Variants in EMILIN2 observed in about 807,000 individuals in gnomAD.
The protein encoded by EMILIN2 is EMILIN-2.
A neutral mutation model predicts 87.1 loss-of-function variants in EMILIN2; 71 were observed. The ratio of observed to expected loss-of-function variants is 0.82; its 90% confidence interval spans 0.67 to 0.99. The LOEUF is 0.99. Ranked by LOEUF, EMILIN2 falls within the 50% of genes least tolerant of loss-of-function variation. The pLI is 0.00. For synonymous variants in EMILIN2, 581 were observed against 563.4 expected (o/e 1.03, Z -0.44); for missense variants, 1,407 against 1,371.8 (o/e 1.03, Z -0.40).
intron 4 of EMILIN2, among the ~76,000 whole-genome samples, chr18:2,899,823 A>G (rs2076880581): frequency 6.6e-6 from 1 of 152,214 alleles, no homozygotes; most frequent in Non-Finnish European, 1.5e-5. Context: ...AATTTCTAAA[A>G]AAAATTTAAA....
chr18:2,872,831 G>GA (rs113264278), intron 2 of EMILIN2, among the ~76,000 whole-genome samples: 16,539 of 152,100 alleles, frequency 0.11, 996 homozygotes, highest in South Asian at 0.19. Context: ...AACACATAGG[G>GA]AATTATTTTA....
At position 2,892,068 on chromosome 18, in the gene EMILIN2, T is replaced by C. The variant is rs1488561984; in HGVS notation, c.1941T>C (p.Gly647=). ...NAGMGRFTKV[G]EQERTVDTLP... ...GCATGGGTAGGTTCACTAAGGTGGG[T>C]GAGCAAGAAAGGACAGTGGACACCC... is the stretch of plus-strand genomic sequence containing the variant. The change falls in exon 4 of 8, where the codon GGT becomes GGC. Residue 647 remains glycine, a synonymous_variant. Coordinates refer to ENST00000254528, the MANE Select transcript of EMILIN2 (RefSeq NM_032048.3). 6.2e-7 allele frequency: 1 copy of C among 1,614,130 alleles called. No homozygotes were observed. The highest frequency in any genetic ancestry group is 8.5e-7 in the Non-Finnish European group (1 of 1,180,026).
chr18:2,865,627 G>T (rs2076682724), intron 2 of EMILIN2, among the ~76,000 whole-genome samples: 1 of 152,214 alleles, frequency 6.6e-6, no homozygotes, highest in South Asian at 2.1e-4. Flanking sequence ...CCTACTGGGG[G>T]GTGCCTCCCA....
intron 2 of EMILIN2, among the ~76,000 whole-genome samples, chr18:2,879,042 G>A (rs951030824): frequency 1.3e-5 from 2 of 152,176 alleles, no homozygotes; most frequent in Non-Finnish European, 2.9e-5. Context: ...TGGCGAGATG[G>A]TCCCCTGGGA....
Position 2,880,905 on chromosome 18 carries a change from C to T in EMILIN2, c.258-4059C>T, listed in dbSNP as rs2076773997. 6.6e-6 allele frequency among the ~76,000 whole-genome samples: 1 copy of T among 152,198 alleles called. No homozygotes were observed. The highest frequency in any genetic ancestry group is 6.5e-5 in the Admixed American group (1 of 15,282). ...GGACTTTTAGAAAGGTACGAGCACCCTCCACCAATTAAGGTATAATTTTGC... is the reference window on the plus strand; with the variant it reads ...GGACTTTTAGAAAGGTACGAGCACCTTCCACCAATTAAGGTATAATTTTGC... On this transcript the variant is annotated intron_variant, in intron 2 of 7. Transcript: ENST00000254528. The surrounding 1 kb of genome is among the most constrained non-coding windows in gnomAD (Gnocchi z 4.1).
chr18:2,909,694 C>T lies in EMILIN2; in HGVS notation c.2699C>T (p.Ala900Val), dbSNP rs372269947. ...PKSPPVASPGAPVPSLVSFSA... is the reference protein window; with the variant it reads ...PKSPPVASPGVPVPSLVSFSA... The stretch of plus-strand genomic sequence containing the variant: ...TTCCATCCTTTCTCTGCTCCAGGAG[C>T]TCCGGTGCCTTCTCTGGTGTCTTTT... The change falls in exon 7 of 8, where the codon GCT becomes GTT. Residue 900 changes from alanine to valine, a missense_variant. Physicochemically the swap from Ala to Val is moderately conservative, Grantham distance 64 (BLOSUM62 0). Transcript: ENST00000254528. 4.3e-6 allele frequency: 7 copies of T among 1,613,990 alleles called. No homozygotes were observed. Among genetic ancestry groups the T allele is most frequent in the Non-Finnish European group, 5.9e-6 (7 of 1,179,896 alleles).
intron 4 of EMILIN2, among the ~76,000 whole-genome samples, chr18:2,896,320 T>G (rs1256255489): frequency 2.0e-5 from 3 of 151,960 alleles, no homozygotes; most frequent in Non-Finnish European, 4.4e-5. Context: ...GGATTACAGG[T>G]GTCTGCCACC....
At position 2,891,327 on chromosome 18, in the gene EMILIN2, A is replaced by G; in HGVS notation, c.1200A>G (p.Glu400=). The G allele has an allele frequency of 6.2e-7, 1 of 1,614,224 alleles. No homozygotes were observed. Among genetic ancestry groups the G allele is most frequent in the South Asian group, 1.1e-5 (1 of 91,086 alleles). Residue 400 remains glutamate, a synonymous_variant, in exon 4 of 8, where the codon GAA becomes GAG. Transcript: ENST00000254528. The surrounding 1 kb of genome is among the most constrained non-coding windows in gnomAD (Gnocchi z 4.6). ...PSAQANCCDS[E]KNGDIGQQIK... is the part of the protein sequence containing the mutation. ...CCCAGGCAAATTGCTGCGACAGTGA[A>G]AAGAATGGTGACATTGGTCAACAGA...
At chr18:2,912,925 C>A (rs2076948135) in intron 7 of EMILIN2, 142 bp from the exon 8 acceptor site, 3 of 847,106 alleles carry the variant, frequency 3.5e-6, no homozygotes, top group Non-Finnish European at 5.4e-6. Context: ...TAAAAAGCAG[C>A]TGAGGCAGGC....
intron 4 of EMILIN2, 34 bp from the exon 5 acceptor site, chr18:2,906,749 T>C (rs1007643672): frequency 2.4e-6 from 3 of 1,259,502 alleles, no homozygotes; most frequent in Admixed American, 8.5e-5. Context: ...GGTTTCCTAA[T>C]CCCGTGTGTT....
chr18:2,896,937 G>C (rs1225743048), intron 4 of EMILIN2, among the ~76,000 whole-genome samples: 2 of 150,750 alleles, frequency 1.3e-5, no homozygotes, highest in African/African-American at 2.4e-5. Flanking sequence ...AAGAGTTCGA[G>C]ACCAGCCTGG....
intron 4 of EMILIN2, among the ~76,000 whole-genome samples, chr18:2,892,726 T>A (rs970111232): frequency 6.6e-6 from 1 of 151,478 alleles, no homozygotes; most frequent in Non-Finnish European, 1.5e-5. Context: ...GATAAATATA[T>A]ATTCTCAGTG....
In EMILIN2 at chr18:2,913,101, G is replaced by C; in HGVS notation, c.2859G>C (p.Leu953=). 1 of 1,612,106 alleles carries C rather than the reference G, an allele frequency of 6.2e-7. No homozygotes were observed. Among genetic ancestry groups the C allele is most frequent in the Non-Finnish European group, 8.5e-7 (1 of 1,180,006 alleles). The change falls in exon 8 of 8, where the codon CTG becomes CTC. Residue 953 remains leucine (L), a synonymous_variant. Coordinates refer to ENST00000254528, the MANE Select transcript of EMILIN2 (RefSeq NM_032048.3). The part of the protein sequence containing the change: ...VFTAPYDGRY[L]ITATLTPERD... Reference sequence around the variant, plus strand: ...CGGCTCCTTATGATGGGCGCTACCTGATCACGGCCACCCTCACCCCCGAGA... The same window carrying C: ...CGGCTCCTTATGATGGGCGCTACCTCATCACGGCCACCCTCACCCCCGAGA...
chr18:2,898,058 C>T (rs144358318), intron 4 of EMILIN2, among the ~76,000 whole-genome samples: 5 of 152,292 alleles, frequency 3.3e-5, no homozygotes, highest in East Asian at 1.9e-4. Flanking sequence ...CAGATGGACT[C>T]GCTCCCATTT....
intron 2 of EMILIN2, among the ~76,000 whole-genome samples, chr18:2,879,622 C>T (rs1402521719): frequency 2.0e-5 from 3 of 152,040 alleles, no homozygotes; most frequent in Non-Finnish European, 2.9e-5. Context: ...GATCGCACCA[C>T]TGCACTCCAG....
At position 2,847,987 on chromosome 18, in the gene EMILIN2, T is replaced by C. The variant is rs1196633666; in HGVS notation, c.257+56T>C. On this transcript the variant is annotated intron_variant, in intron 2 of 7. Coordinates refer to ENST00000254528, the MANE Select transcript of EMILIN2 (RefSeq NM_032048.3). The surrounding 1 kb of genome is among the most constrained non-coding windows in gnomAD (Gnocchi z 4.5). The stretch of plus-strand genomic sequence containing the variant: ...CGCGCCCGGGCCGGGGCGGTGGGGG[T>C]GGGGTGGGGTTGCTGCGCTGGGCTC... 9.3e-6 allele frequency: 11 copies of C among 1,187,534 alleles called. No homozygotes were observed. Among genetic ancestry groups the C allele is most frequent in the South Asian group, 1.4e-5 (1 of 70,868 alleles). The allele number at this position is 1,187,534 out of a possible 1,614,324, so 73.6% of individuals were successfully genotyped here. A position where few individuals can be genotyped will look rare whatever the true frequency, so the allele number is the denominator to read the frequency against.
chr18:2,891,681 C>T lies in EMILIN2; in HGVS notation c.1554C>T (p.Pro518=), dbSNP rs977485481. ...ATAACACTGGTGCAGAGCTCAGTCC[C>T]CCAGGGGCAGCAGCCCTGCCAGGAG... ...MTNNTGAELS[P]PGAAALPGVS... Residue 518 remains proline, a synonymous_variant, in exon 4 of 8, where the codon CCC becomes CCT. Transcript: ENST00000254528. This position sits in a 1 kb window ranked among gnomAD's most constrained non-coding sequence, Gnocchi z 4.6. The T allele has an allele frequency of 1.4e-5, 23 of 1,614,100 alleles. No individual in the cohort carries two copies. The African/African-American group carries it at 2.3e-4, about 16-fold the overall frequency.
At chr18:2,884,248 G>A (rs939610685) in intron 2 of EMILIN2, among the ~76,000 whole-genome samples, 17 of 151,030 alleles carry the variant, frequency 1.1e-4, no homozygotes, top group Admixed American at 8.6e-4. Context: ...GAGCCACCGC[G>A]CCCAGCCTCT....
At chr18:2,895,230 T>C (rs966139190) in intron 4 of EMILIN2, among the ~76,000 whole-genome samples, 1 of 152,080 alleles carries the variant, frequency 6.6e-6, no homozygotes, top group African/African-American at 2.4e-5. Context: ...CAGGGAGGGA[T>C]TCTCAGGAGA....
Sources: allele counts gnomAD v4.1 joint callset (sites outside exome capture counted in the v4.1 genomes callset), GRCh38; gene constraint gnomAD v4.1.1; non-coding constraint Gnocchi (gnomAD v3.1); transcripts MANE v1.5; gene names NCBI Gene and HGNC (gene_info 2026-07-23, HGNC 2026-07-21).